The following ABCC12 variants were observed in gnomAD, a reference collection of about 807,000 sequenced individuals.
ABCC12 encodes the protein ATP binding cassette subfamily C member 12.
ABCC12 carries 142 observed loss-of-function variants against 151.1 expected under a neutral mutation model. The ratio of observed to expected loss-of-function variants is 0.94; its 90% CI spans 0.82 to 1.08. The LOEUF (loss-of-function observed/expected upper bound fraction) is 1.08, where lower values mean the gene tolerates loss of function less well. ABCC12 is among the 50% of genes least tolerant of loss of function. ABCC12 has a pLI of 0.00. For missense variants in ABCC12, 1,638 were observed against 1,691.1 expected, an observed-to-expected ratio of 0.97 and a Z score of 0.55; for synonymous variants, 645 against 646.4, an observed-to-expected ratio of 1.00 and a Z score of 0.03.
At chr16:48,121,593 A>T in intron 13 of ABCC12, 123 bp downstream of exon 13, 1 of 1,288,262 alleles carries the variant, frequency 7.8e-7, no homozygotes, top group Non-Finnish European at 1.1e-6. Flanking sequence ...GGATCTGATG[A>T]ATGTTTAATC....
At position 48,085,589 on chromosome 16, in the gene ABCC12, T is replaced by C; in HGVS notation, c.3828+4A>G. On this transcript the variant is annotated splice_donor_region_variant and intron_variant, in intron 29 of 30. Transcript: ENST00000311303. Reference sequence around the variant, plus strand: ...TGACCAATCCATTTTCCGTGTTTTCTTACCTTTGAATTACGGAGAAGAGCT... The same window carrying C: ...TGACCAATCCATTTTCCGTGTTTTCCTACCTTTGAATTACGGAGAAGAGCT... The C allele has an allele frequency of 7.4e-6, 12 of 1,613,620 alleles. No homozygotes were observed. Among genetic ancestry groups the C allele is most frequent in the Non-Finnish European group, 1.0e-5 (12 of 1,179,516 alleles).
chr16:48,108,496 G>T lies in ABCC12; in HGVS notation c.2315C>A (p.Pro772His), dbSNP rs748760519. 1 of 1,614,158 alleles carries T rather than the reference G, an allele frequency of 6.2e-7. No homozygotes were observed. The highest frequency in any genetic ancestry group is 1.1e-5 in the South Asian group (1 of 91,082). ...TTTCCAGGTCACGGTTCCTTCCTGGGGGGATTCAGTCTGGATGAGCTGGTG... is the reference window on the plus strand; with the variant it reads ...TTTCCAGGTCACGGTTCCTTCCTGGTGGGATTCAGTCTGGATGAGCTGGTG... ...PEHQLIQTESPQEGTVTWKTY... is the reference protein window; with the variant it reads ...PEHQLIQTESHQEGTVTWKTY... Residue 772 changes from proline to histidine, a missense_variant, in exon 19 of 31, where the codon CCC (proline) becomes CAC (histidine). Physicochemically the swap from Pro to His is moderately conservative, Grantham distance 77. Coordinates refer to ENST00000311303, the MANE Select transcript of ABCC12 (RefSeq NM_001393797.1).
intron 10 of ABCC12, among the ~76,000 whole-genome samples, chr16:48,129,653 G>T (rs1964357123): frequency 6.6e-6 from 1 of 152,120 alleles, no homozygotes; most frequent in South Asian, 2.1e-4. Flanking sequence ...TATTTTGACA[G>T]CTCTCTTGGG....
chr16:48,140,761 T>C lies in ABCC12; in HGVS notation c.583A>G (p.Lys195Glu). 6.2e-7 allele frequency: 1 copy of C among 1,614,170 alleles called. No individual in the cohort carries two copies. Among genetic ancestry groups the C allele is most frequent in the South Asian group, 1.1e-5 (1 of 91,078 alleles). The change falls in exon 6 of 31, where the codon AAG (lysine) becomes GAG (glutamate). Residue 195 changes from lysine (K) to glutamate (E), a missense_variant. Coordinates refer to ENST00000311303, the MANE Select transcript of ABCC12 (RefSeq NM_001393797.1). ...AINYRTAIRL[K>E]VALSTLVFEN... ...AAAACCAAGGTGGAGAGCGCCACCT[T>C]CAACCGGATGGCCGTGCGGTAGTTG...
chr16:48,087,135 G>C (rs926798054), intron 27 of ABCC12: 2 of 293,652 alleles, frequency 6.8e-6, no homozygotes, highest in Non-Finnish European at 1.3e-5. Flanking sequence ...CCGAGTAGCA[G>C]AGTGGGTTTG....
Position 48,139,287 on chromosome 16 carries a change from A to G in ABCC12, c.707T>C (p.Leu236Ser). Reference protein sequence around the residue: ...SDSYSLFEAALFCPLPATIPI... With the variant: ...SDSYSLFEAASFCPLPATIPI... ...GATGGTGGCTGGCAAAGGACAAAAC[A>G]AGGCAGCTTCAAACAAAGAATAGCT... is the stretch of plus-strand genomic sequence containing the variant. The change falls in exon 7 of 31, where the codon TTG (leucine) becomes TCG (serine). Residue 236 changes from leucine (L) to serine (S), a missense_variant. Transcript: ENST00000311303. 1 of 1,613,818 alleles carries G rather than the reference A, an allele frequency of 6.2e-7. No homozygotes were observed. Among genetic ancestry groups the G allele is most frequent in the Non-Finnish European group, 8.5e-7 (1 of 1,179,932 alleles).
chr16:48,144,143 C>G (rs1289919623), intron 3 of ABCC12, 78 bp from the exon 4 acceptor site: 2 of 1,509,464 alleles, frequency 1.3e-6, no homozygotes, highest in East Asian at 2.3e-5. Context: ...GAACTTGTAA[C>G]TACAGCAACA....
At chr16:48,142,688 A>G (rs1964857940) in intron 4 of ABCC12, among the ~76,000 whole-genome samples, 1 of 152,224 alleles carries the variant, frequency 6.6e-6, no homozygotes, top group Non-Finnish European at 1.5e-5. Flanking sequence ...AATCAGAACC[A>G]CAGAGTTCAA....
At position 48,144,141 on chromosome 16, in the gene ABCC12, A is replaced by G. The variant is rs567834682; in HGVS notation, c.120-76T>C. ...AACTCTCTCTCTGGATTGAACTTGT[A>G]ACTACAGCAACAACCACAGCTGCAC... On this transcript the variant is annotated intron_variant, in intron 3 of 30. Transcript: ENST00000311303. 4.8e-5 allele frequency: 72 copies of G among 1,508,504 alleles called. No individual in the cohort carries two copies. The East Asian group carries it at 9.9e-4, about 21-fold the overall frequency. The allele number at this position is 1,508,504 out of a possible 1,614,324, so 93.4% of individuals were successfully genotyped here. A position where few individuals can be genotyped will look rare whatever the true frequency, so the allele number is the denominator to read the frequency against.
chr16:48,101,124 G>A, intron 22 of ABCC12, 115 bp from the exon 23 acceptor site: 2 of 1,248,360 alleles, frequency 1.6e-6, no homozygotes, highest in African/African-American at 1.5e-5. Context: ...CAGAGACGGT[G>A]CCATCTAACT....
intron 24 of ABCC12, among the ~76,000 whole-genome samples, chr16:48,091,969 AGAG>A (rs1329448910): frequency 1.3e-5 from 2 of 152,210 alleles, no homozygotes; most frequent in Non-Finnish European, 2.9e-5. Context: ...TATAAGAGAC[AGAG>A]GAGAAGTCAC....
intron 13 of ABCC12, among the ~76,000 whole-genome samples, chr16:48,118,108 C>T (rs28587611): frequency 0.032 from 4,874 of 152,208 alleles, 228 homozygotes; most frequent in African/African-American, 0.11. Flanking sequence ...GGACTAGCGC[C>T]CTATCCTGCA....
intron 11 of ABCC12, among the ~76,000 whole-genome samples, chr16:48,125,080 C>G (rs1329741388): frequency 6.6e-6 from 1 of 152,156 alleles, no homozygotes. Context: ...TGAGTTTTCC[C>G]AGAAACAGAC....
chr16:48,106,778 AAG>A (rs945762113), intron 20 of ABCC12, among the ~76,000 whole-genome samples: 2 of 152,290 alleles, frequency 1.3e-5, no homozygotes, highest in Admixed American at 1.3e-4. Context: ...CAGCAAGCTC[AAG>A]AGAGAGTCAA....
chr16:48,085,799 C>T, intron 28 of ABCC12, 93 bp from the exon 29 acceptor site: 1 of 1,021,756 alleles, frequency 9.8e-7, no homozygotes, highest in Non-Finnish European at 1.5e-6. Context: ...TTGCATTCAT[C>T]AGCTTGCTTT....
chr16:48,125,547 G>A (rs921989167), intron 11 of ABCC12, among the ~76,000 whole-genome samples: 1 of 152,184 alleles, frequency 6.6e-6, no homozygotes, highest in East Asian at 1.9e-4. Context: ...GTGCCATGGG[G>A]TATCTGGGGA....
chr16:48,091,791 G>C (rs1330472799), intron 24 of ABCC12, among the ~76,000 whole-genome samples: 1 of 152,186 alleles, frequency 6.6e-6, no homozygotes, highest in Non-Finnish European at 1.5e-5. Flanking sequence ...AAGTATATTA[G>C]GGCAGGTTGA....
In ABCC12 at chr16:48,082,254, C is replaced by T. The variant is rs1962372388; in HGVS notation, c.*1461G>A. ...TGCCAAGCTGCTGGGCCAGGGCTTT[C>T]ATGCAGTTGCCAGGTTATAAGCTCT... On this transcript the variant is annotated 3_prime_UTR_variant, in exon 31 of 31. Coordinates refer to ENST00000311303, the MANE Select transcript of ABCC12 (RefSeq NM_001393797.1). Among the ~76,000 whole-genome samples, 1 of 152,204 alleles carries T rather than the reference C, an allele frequency of 6.6e-6. No individual in the cohort carries two copies. The highest frequency in any genetic ancestry group is 2.4e-5 in the African/African-American group (1 of 41,454).
chr16:48,086,559 C>A (rs1962612281), intron 28 of ABCC12, 182 bp downstream of exon 28: 2 of 593,886 alleles, frequency 3.4e-6, no homozygotes, highest in South Asian at 2.0e-5. Flanking sequence ...CATTGTAGAG[C>A]CCTATTGTTG....
Sources: gnomAD v4.1 joint callset for allele counts (sites outside exome capture counted in the v4.1 genomes callset) on GRCh38, gnomAD v4.1.1 for gene constraint, MANE v1.5 for transcripts, NCBI Gene and HGNC (gene_info 2026-07-23, HGNC 2026-07-21) for gene names.